ENOX1: variants seen among roughly 807,000 people sequenced by gnomAD.
ENOX1 encodes ecto-NOX disulfide-thiol exchanger 1.
ENOX1 carries 42 observed loss-of-function variants against 82.5 expected under a neutral mutation model. That is an observed-to-expected ratio of 0.51 (90% CI 0.40 to 0.66). The LOEUF (loss-of-function observed/expected upper bound fraction) is 0.66, where lower values mean the gene tolerates loss of function less well. Ranked by LOEUF, ENOX1 falls within the 30% of genes least tolerant of loss-of-function variation. The pLI is 0.00. For missense variants in ENOX1, 608 were observed against 811.6 expected (o/e 0.75, Z 3.05); for synonymous variants, 271 against 282.2 (o/e 0.96, Z 0.40).
At chr13:43,526,426 A>G (rs2077994159) in intron 2 of ENOX1, among the ~76,000 whole-genome samples, 1 of 152,140 alleles carries the variant, frequency 6.6e-6, no homozygotes, top group Non-Finnish European at 1.5e-5. Context: ...AGTAAAAGCA[A>G]AAACGTTTCT....
At position 43,410,223 on chromosome 13, in the gene ENOX1, A is replaced by C. The variant is rs940039410; in HGVS notation, c.208+1693T>G. ...TGAGAGAAGTAGGAGGTGAGACGAGAGTAAGTAACTTCTGCTCTCTGAATA... is the reference window on the plus strand; with the variant it reads ...TGAGAGAAGTAGGAGGTGAGACGAGCGTAAGTAACTTCTGCTCTCTGAATA... On this transcript the variant is annotated intron_variant, in intron 5 of 16. Transcript: ENST00000690772. Among the ~76,000 whole-genome samples, 38 of 152,216 alleles carry C rather than the reference A, an allele frequency of 2.5e-4. 1 individual carries two copies. The highest frequency in any genetic ancestry group is 8.9e-4 in the African/African-American group (37 of 41,456).
intron 1 of ENOX1, among the ~76,000 whole-genome samples, chr13:43,696,888 T>C (rs2086667634): frequency 6.6e-6 from 1 of 151,612 alleles, no homozygotes; most frequent in Non-Finnish European, 1.5e-5. Context: ...CACTGGCTCT[T>C]GAAGGATAAA....
intron 5 of ENOX1, among the ~76,000 whole-genome samples, chr13:43,402,977 G>A (rs1465491321): frequency 6.6e-6 from 1 of 152,022 alleles, no homozygotes; most frequent in Non-Finnish European, 1.5e-5. Context: ...TACTCCAGAG[G>A]AAATCAAGAA....
chr13:43,605,444 C>T (rs1402284297), intron 2 of ENOX1, among the ~76,000 whole-genome samples: 2 of 152,096 alleles, frequency 1.3e-5, no homozygotes, highest in African/African-American at 4.8e-5. Flanking sequence ...CAGCATGGTA[C>T]TGGTATAAAA....
chr13:43,575,856 T>C (rs1357387357), intron 2 of ENOX1, among the ~76,000 whole-genome samples: 1 of 152,212 alleles, frequency 6.6e-6, no homozygotes, highest in Non-Finnish European at 1.5e-5. Flanking sequence ...TGACAAGGGA[T>C]GATGTTCACT....
At chr13:43,708,332 T>G (rs965910686) in intron 1 of ENOX1, among the ~76,000 whole-genome samples, 1 of 152,146 alleles carries the variant, frequency 6.6e-6, no homozygotes, top group Non-Finnish European at 1.5e-5. Context: ...AAGGTAGAAG[T>G]AACACAGACC....
intron 3 of ENOX1, among the ~76,000 whole-genome samples, chr13:43,438,378 T>C (rs1010258331): frequency 6.6e-6 from 1 of 152,038 alleles, no homozygotes; most frequent in Admixed American, 6.5e-5. Context: ...GAGGTACTTC[T>C]GGAGACAGAA....
chr13:43,550,396 C>T (rs1195878301), intron 2 of ENOX1, among the ~76,000 whole-genome samples: 1 of 152,154 alleles, frequency 6.6e-6, no homozygotes, highest in African/African-American at 2.4e-5. Flanking sequence ...CTCCAGTGTC[C>T]ATCAGCAGTT....
chr13:43,224,943 A>G (rs1031175316), intron 15 of ENOX1, among the ~76,000 whole-genome samples: 3 of 152,204 alleles, frequency 2.0e-5, no homozygotes, highest in African/African-American at 4.8e-5. Context: ...GAGGAAGTCA[A>G]CTCCAAAAAC....
chr13:43,443,876 G>A (rs567834756), intron 3 of ENOX1, among the ~76,000 whole-genome samples: 8 of 152,284 alleles, frequency 5.3e-5, no homozygotes, highest in African/African-American at 7.2e-5. Flanking sequence ...TTTTAGAAGC[G>A]TTTTACTTCA....
At chr13:43,333,807 G>C (rs1326014245) in intron 9 of ENOX1, among the ~76,000 whole-genome samples, 1 of 152,202 alleles carries the variant, frequency 6.6e-6, no homozygotes, top group Non-Finnish European at 1.5e-5. Flanking sequence ...ATTTTTAGTA[G>C]AGACGGGGTT....
rs1476753335 is a variant in ENOX1 at position 43,568,147 on chromosome 13, T to C, written c.-218-83995A>G. 2.0e-5 allele frequency among the ~76,000 whole-genome samples: 3 copies of C among 152,350 alleles called. No homozygotes were observed. The East Asian group carries it at 5.8e-4, about 29-fold the overall frequency. On this transcript the variant is annotated intron_variant, in intron 2 of 16. Coordinates refer to ENST00000690772, the MANE Select transcript of ENOX1 (RefSeq NM_001347969.2). ...TCAATTCTTTGACAAGTGGCACTAT[T>C]ATTTATAAACTTGAGTTACACAGGA... is the stretch of plus-strand genomic sequence containing the variant.
chr13:43,478,306 A>AT (rs1174861405), intron 3 of ENOX1, among the ~76,000 whole-genome samples: 3 of 152,064 alleles, frequency 2.0e-5, no homozygotes, highest in African/African-American at 7.2e-5. Context: ...ACATCCTTGT[A>AT]TTTTTTATTA....
chr13:43,780,907 C>T (rs1330924496), intron 1 of ENOX1, among the ~76,000 whole-genome samples: 1 of 152,208 alleles, frequency 6.6e-6, no homozygotes, highest in Non-Finnish European at 1.5e-5. Flanking sequence ...GTTAACACAG[C>T]ACCTTGGTCA....
intron 8 of ENOX1, among the ~76,000 whole-genome samples, chr13:43,353,759 AT>A (rs1447639817): frequency 2.0e-5 from 3 of 152,262 alleles, no homozygotes; most frequent in African/African-American, 7.2e-5. Context: ...ACAGCCATCT[AT>A]TAAAATTTCC....
intron 14 of ENOX1, among the ~76,000 whole-genome samples, chr13:43,260,024 G>A (rs1271273578): frequency 1.3e-5 from 2 of 151,962 alleles, no homozygotes; most frequent in South Asian, 4.2e-4. Context: ...TCTCTCTCAC[G>A]CCTCCCTGCC....
intron 1 of ENOX1, among the ~76,000 whole-genome samples, chr13:43,739,654 T>C (rs1325288784): frequency 6.6e-6 from 1 of 151,786 alleles, no homozygotes; most frequent in East Asian, 1.9e-4. Context: ...AAAAATAACA[T>C]AAGAAAAGAG....
intron 2 of ENOX1, among the ~76,000 whole-genome samples, chr13:43,580,261 A>G (rs1254247082): frequency 6.6e-6 from 1 of 152,200 alleles, no homozygotes; most frequent in Non-Finnish European, 1.5e-5. Context: ...TATCATATTC[A>G]CATTGTCTAA....
intron 1 of ENOX1, among the ~76,000 whole-genome samples, chr13:43,681,604 GT>G (rs971137685): frequency 6.7e-6 from 1 of 148,644 alleles, no homozygotes; most frequent in African/African-American, 2.6e-5. Context: ...ATTTCTCTAT[GT>G]TTGGGTATGT....
Sources: allele counts gnomAD v4.1 joint callset (sites outside exome capture counted in the v4.1 genomes callset), GRCh38; gene constraint gnomAD v4.1.1; transcripts MANE v1.5; gene names NCBI Gene and HGNC (gene_info 2026-07-23, HGNC 2026-07-21).